SMURF2: variants seen among roughly 807,000 people sequenced by gnomAD.
SMURF2 encodes E3 ubiquitin-protein ligase SMURF2.
In SMURF2, 48 loss-of-function variants were observed where a neutral mutation model predicts 109.6. That is an observed-to-expected ratio of 0.44 (90% CI 0.35 to 0.56). The LOEUF (loss-of-function observed/expected upper bound fraction) is 0.56, where lower values mean the gene tolerates loss of function less well. Among genes scored for constraint, SMURF2 ranks in the 20% least tolerant of loss-of-function variants. The pLI is 0.01. For missense variants in SMURF2, 575 were observed against 909.0 expected (o/e 0.63, Z 4.72); for synonymous variants, 288 against 317.1 (o/e 0.91, Z 0.97).
At chr17:64,548,957 T>C (rs1453984822) in intron 16 of SMURF2, among the ~76,000 whole-genome samples, 1 of 152,114 alleles carries the variant, frequency 6.6e-6, no homozygotes, top group Non-Finnish European at 1.5e-5. Flanking sequence ...AGGATTAATA[T>C]ATACAATGCT....
At position 64,562,760 on chromosome 17, in the gene SMURF2, C is replaced by T. The variant is rs1323037710; in HGVS notation, c.1212+11G>A. On this transcript the variant is annotated intron_variant, in intron 11 of 18. Transcript: ENST00000262435. ...AAAAATAGTAAAACAAAATAAGGCT[C>T]GTAAATTTACCTCAAAAATCTCTTC... 6 of 1,609,814 alleles carry T rather than the reference C, an allele frequency of 3.7e-6. No homozygotes were observed. The highest frequency in any genetic ancestry group is 3.4e-5 in the Admixed American group (2 of 59,118).
intron 1 of SMURF2, among the ~76,000 whole-genome samples, chr17:64,646,526 G>C (rs1970562104): frequency 6.6e-6 from 1 of 151,844 alleles, no homozygotes; most frequent in African/African-American, 2.4e-5. Flanking sequence ...TGGGACTAGA[G>C]GTATGCACCA....
At chr17:64,610,775 G>C (rs1455352828) in intron 1 of SMURF2, among the ~76,000 whole-genome samples, 1 of 152,082 alleles carries the variant, frequency 6.6e-6, no homozygotes, top group Non-Finnish European at 1.5e-5. Context: ...TTTTTAAAAA[G>C]AACTGCCTAC....
At chr17:64,633,152 C>T (rs1271521436) in intron 1 of SMURF2, among the ~76,000 whole-genome samples, 3 of 152,138 alleles carry the variant, frequency 2.0e-5, no homozygotes, top group Non-Finnish European at 4.4e-5. Flanking sequence ...CACCTATAGT[C>T]CCAGCTACTT....
Position 64,571,780 on chromosome 17 carries a change from A to C in SMURF2, c.1016+18T>G. Reference sequence around the variant, plus strand: ...ATGTTTAACTCCCATTTTAACATGTATTGTTTCAAAAACTTACTTTAAAAC... The same window carrying C: ...ATGTTTAACTCCCATTTTAACATGTCTTGTTTCAAAAACTTACTTTAAAAC... On this transcript the variant is annotated intron_variant, in intron 10 of 18. Coordinates refer to ENST00000262435, the MANE Select transcript of SMURF2 (RefSeq NM_022739.4). 3 of 1,598,786 alleles carry C rather than the reference A, an allele frequency of 1.9e-6. No homozygotes were observed. Among genetic ancestry groups the C allele is most frequent in the Non-Finnish European group, 2.6e-6 (3 of 1,172,392 alleles).
chr17:64,607,349 C>T (rs1026502843), intron 1 of SMURF2, among the ~76,000 whole-genome samples: 5 of 151,936 alleles, frequency 3.3e-5, no homozygotes, highest in East Asian at 1.9e-4. Context: ...AAATTTTGGC[C>T]GGGCGCAGTG....
At chr17:64,641,148 T>G (rs1329863542) in intron 1 of SMURF2, among the ~76,000 whole-genome samples, 1 of 152,226 alleles carries the variant, frequency 6.6e-6, no homozygotes, top group African/African-American at 2.4e-5. Context: ...ACCTTTATAA[T>G]CCTTTATCAA....
chr17:64,596,219 C>T (rs1342181992), intron 3 of SMURF2, among the ~76,000 whole-genome samples: 1 of 151,818 alleles, frequency 6.6e-6, no homozygotes, highest in South Asian at 2.1e-4. Context: ...AACAGGGTCT[C>T]GTTATGTTGT....
intron 4 of SMURF2, among the ~76,000 whole-genome samples, chr17:64,592,752 C>T (rs1270926689): frequency 2.6e-5 from 4 of 152,134 alleles, no homozygotes; most frequent in Non-Finnish European, 5.9e-5. Flanking sequence ...AAAGACCCAT[C>T]CAAAAGACTC....
intron 11 of SMURF2, among the ~76,000 whole-genome samples, chr17:64,562,537 G>A (rs1431338643): frequency 6.6e-6 from 1 of 151,368 alleles, no homozygotes; most frequent in Non-Finnish European, 1.5e-5. Context: ...GTGCCACCAT[G>A]CCCAGCTAAT....
intron 12 of SMURF2, among the ~76,000 whole-genome samples, chr17:64,559,811 G>A (rs1969185725): frequency 1.3e-5 from 2 of 150,660 alleles, no homozygotes; most frequent in East Asian, 2.0e-4. Flanking sequence ...GCAGTAGCAC[G>A]ATCTCGGCTC....
intron 10 of SMURF2, among the ~76,000 whole-genome samples, chr17:64,569,535 T>C (rs1969369041): frequency 6.6e-6 from 1 of 152,138 alleles, no homozygotes; most frequent in African/African-American, 2.4e-5. Flanking sequence ...CAAAAAATTG[T>C]GAACAGGACC....
At chr17:64,653,664 T>C (rs1398955275) in intron 1 of SMURF2, among the ~76,000 whole-genome samples, 1 of 152,066 alleles carries the variant, frequency 6.6e-6, no homozygotes, top group East Asian at 1.9e-4. Context: ...CCCAGGCTGG[T>C]CTCAAACTCC....
intron 15 of SMURF2, 129 bp downstream of exon 15, chr17:64,554,727 T>C (rs781917732): frequency 3.0e-5 from 24 of 790,776 alleles, no homozygotes; most frequent in Non-Finnish European, 4.8e-5. Context: ...CTGTTCTAAA[T>C]AAGCCACTAA....
chr17:64,647,273 C>T (rs1970571722), intron 1 of SMURF2, among the ~76,000 whole-genome samples: 1 of 149,328 alleles, frequency 6.7e-6, no homozygotes. Context: ...TCAGAAGAAA[C>T]TGAAAAAAAA....
chr17:64,615,814 T>C (rs1246316099), intron 1 of SMURF2, among the ~76,000 whole-genome samples: 1 of 152,198 alleles, frequency 6.6e-6, no homozygotes, highest in African/African-American at 2.4e-5. Flanking sequence ...AATGTATTTA[T>C]TTATTGATGG....
chr17:64,545,899 AT>A lies in SMURF2; in HGVS notation c.2195del (p.Tyr732LeufsTer5). On this transcript the variant is annotated frameshift_variant, in exon 19 of 19. Transcript: ENST00000262435. LOFTEE classifies it high-confidence loss of function. ...CTTCAATGGCTGTTAGCAGCTTTTC[AT>A]ATAGCTTTTCATAGCTTTCATAGGG... ...IPPYESYEKL[Y>X]EKLLTAIEET... is the part of the protein sequence containing the mutation. The A allele has an allele frequency of 2.5e-6, 4 of 1,612,972 alleles. No homozygotes were observed. Among genetic ancestry groups the A allele is most frequent in the Non-Finnish European group, 2.5e-6 (3 of 1,178,966 alleles).
intron 1 of SMURF2, among the ~76,000 whole-genome samples, chr17:64,658,060 T>C (rs1970728344): frequency 6.6e-6 from 1 of 151,942 alleles, no homozygotes; most frequent in Non-Finnish European, 1.5e-5. Flanking sequence ...CTCTAGTATA[T>C]AAAGTCATTA....
At chr17:64,657,488 T>C (rs1246494909) in intron 1 of SMURF2, among the ~76,000 whole-genome samples, 2 of 150,516 alleles carry the variant, frequency 1.3e-5, no homozygotes, top group Non-Finnish European at 3.0e-5. Flanking sequence ...GCACAGAAGT[T>C]CAAGACCAGC....
Sources: allele counts gnomAD v4.1 joint callset (sites outside exome capture counted in the v4.1 genomes callset), GRCh38; gene constraint gnomAD v4.1.1; transcripts MANE v1.5; gene names NCBI Gene and HGNC (gene_info 2026-07-23, HGNC 2026-07-21).